NUMB: variants seen among roughly 807,000 people sequenced by gnomAD.
NUMB encodes the protein NUMB endocytic adaptor protein, also known as protein numb homolog.
NUMB carries 29 observed loss-of-function variants against 59.7 expected under a neutral mutation model. The observed-to-expected ratio is 0.49, with a 90% confidence interval of 0.36 to 0.66. The LOEUF is 0.66. Ranked by LOEUF, NUMB falls within the 30% of genes least tolerant of loss-of-function variation. NUMB has a pLI of 0.00. For missense variants in NUMB, 723 were observed against 822.0 expected (o/e 0.88, Z 1.47); for synonymous variants, 288 against 288.2 (o/e 1.00, Z 0.01).
chr14:73,445,189 C>CA (rs1883384607), intron 1 of NUMB, among the ~76,000 whole-genome samples: 1 of 151,148 alleles, frequency 6.6e-6, no homozygotes, highest in African/African-American at 2.4e-5. Flanking sequence ...CCCAACACTA[C>CA]AAAAAAAGTT....
At chr14:73,292,985 G>T in intron 7 of NUMB, 111 bp from the exon 8 acceptor site, 1 of 1,065,358 alleles carries the variant, frequency 9.4e-7, no homozygotes. Context: ...ATACAACTAG[G>T]CTATGGAATA....
chr14:73,395,040 TG>T (rs1896059125), intron 2 of NUMB, among the ~76,000 whole-genome samples: 5 of 69,716 alleles, frequency 7.2e-5, no homozygotes, highest in East Asian at 2.3e-4. Flanking sequence ...CGTGTGTTTG[TG>T]TGTGTGTGTG....
At chr14:73,341,089 G>A (rs113507282) in intron 4 of NUMB, among the ~76,000 whole-genome samples, 3,358 of 152,250 alleles carry the variant, frequency 0.022, 65 homozygotes, top group Non-Finnish European at 0.036. Context: ...GGAACTGTGA[G>A]TCAATTAAAC....
At chr14:73,393,431 C>T (rs1456659690) in intron 2 of NUMB, among the ~76,000 whole-genome samples, 1 of 152,142 alleles carries the variant, frequency 6.6e-6, no homozygotes, top group Admixed American at 6.5e-5. Flanking sequence ...GCAATAAGAA[C>T]AAAATCATGG....
At chr14:73,321,845 C>CT (rs962300075) in intron 5 of NUMB, among the ~76,000 whole-genome samples, 26 of 152,152 alleles carry the variant, frequency 1.7e-4, no homozygotes, top group African/African-American at 5.8e-4. Flanking sequence ...ATGTCTGTAT[C>CT]TTTTTTTAAA....
At chr14:73,317,095 C>T in intron 5 of NUMB, among the ~76,000 whole-genome samples, 1 of 152,140 alleles carries the variant, frequency 6.6e-6, no homozygotes, top group Non-Finnish European at 1.5e-5. Context: ...TGATCAATTT[C>T]ACAACACACA....
At chr14:73,326,500 G>A (rs979834783) in intron 4 of NUMB, among the ~76,000 whole-genome samples, 2 of 152,066 alleles carry the variant, frequency 1.3e-5, no homozygotes, top group Non-Finnish European at 2.9e-5. Context: ...GGTGGCAGGC[G>A]CCTGTAATTC....
chr14:73,381,713 C>A (rs1381195683), intron 2 of NUMB, among the ~76,000 whole-genome samples: 1 of 152,128 alleles, frequency 6.6e-6, no homozygotes, highest in Non-Finnish European at 1.5e-5. Flanking sequence ...TGCATGAAGG[C>A]AGAATCCTCA....
At chr14:73,424,887 G>A (rs1897514700) in intron 1 of NUMB, among the ~76,000 whole-genome samples, 1 of 152,216 alleles carries the variant, frequency 6.6e-6, no homozygotes, top group South Asian at 2.1e-4. Context: ...TACATGACTA[G>A]AATGACGGCT....
At chr14:73,313,804 T>A (rs1890921111) in intron 6 of NUMB, among the ~76,000 whole-genome samples, 1 of 147,156 alleles carries the variant, frequency 6.8e-6, no homozygotes, top group African/African-American at 2.6e-5. Context: ...AAAAAGATGA[T>A]TTTTTTTTTC....
intron 2 of NUMB, among the ~76,000 whole-genome samples, chr14:73,407,263 G>A (rs1896715973): frequency 6.6e-6 from 1 of 152,030 alleles, no homozygotes; most frequent in African/African-American, 2.4e-5. Flanking sequence ...ACAAGCCTGG[G>A]CAATACAGCA....
intron 7 of NUMB, among the ~76,000 whole-genome samples, chr14:73,295,950 G>A (rs1313152071): frequency 6.6e-6 from 1 of 152,112 alleles, no homozygotes; most frequent in Non-Finnish European, 1.5e-5. Context: ...TCCTTAAGAT[G>A]TCACTTAAAT....
chr14:73,338,087 C>G (rs1032728094), intron 4 of NUMB, among the ~76,000 whole-genome samples: 1 of 152,058 alleles, frequency 6.6e-6, no homozygotes, highest in African/African-American at 2.4e-5. Context: ...GAGTTTGAGA[C>G]CAGCTTGGAC....
chr14:73,362,661 C>A (rs976654806), intron 3 of NUMB, among the ~76,000 whole-genome samples: 2 of 152,030 alleles, frequency 1.3e-5, no homozygotes, highest in African/African-American at 4.8e-5. Flanking sequence ...GTTTTGAACT[C>A]CTTGGGTCAA....
Position 73,287,197 on chromosome 14 carries a change from T to C in NUMB, c.568A>G (p.Thr190Ala), listed in dbSNP as rs1889074121. ...ATFDASRTTF[T>A]REGSFRVTTA... is the part of the protein sequence containing the mutation. Reference sequence around the variant, plus strand: ...GTGACACGGAATGATCCTTCTCTTGTAAAAGTGGTCCGACTAGCATCAAAA... The same window carrying C: ...GTGACACGGAATGATCCTTCTCTTGCAAAAGTGGTCCGACTAGCATCAAAA... Residue 190 changes from threonine (T) to alanine (A), a missense_variant, in exon 9 of 13, where the codon ACA becomes GCA. Transcript: ENST00000555238. The C allele has an allele frequency of 6.2e-7, 1 of 1,613,872 alleles. No individual in the cohort carries two copies. The highest frequency in any genetic ancestry group is 8.5e-7 in the Non-Finnish European group (1 of 1,179,972).
intron 1 of NUMB, among the ~76,000 whole-genome samples, chr14:73,438,076 G>C (rs772865954): frequency 1.3e-5 from 2 of 152,172 alleles, no homozygotes; most frequent in Non-Finnish European, 2.9e-5. Context: ...TAATGGAAAT[G>C]TAAACTTGTA....
intron 4 of NUMB, among the ~76,000 whole-genome samples, chr14:73,338,894 T>C (rs1002579317): frequency 6.6e-6 from 1 of 152,242 alleles, no homozygotes; most frequent in Non-Finnish European, 1.5e-5. Flanking sequence ...ACACACAGTA[T>C]TTTTTGCACA....
chr14:73,447,249 G>T (rs573306980), intron 1 of NUMB, among the ~76,000 whole-genome samples: 1 of 151,372 alleles, frequency 6.6e-6, no homozygotes, highest in Admixed American at 6.6e-5. Context: ...AGCACTTTGG[G>T]AGGCTAAGGT....
At position 73,389,356 on chromosome 14, in the gene NUMB, G is replaced by A. The variant is rs553641045; in HGVS notation, c.-101+20581C>T. On this transcript the variant is annotated intron_variant, in intron 2 of 12. Coordinates refer to ENST00000555238, the MANE Select transcript of NUMB (RefSeq NM_001005743.2). ...TTCTCTTTATTTATTTTTTTGAGAC[G>A]GAGTCCTGCTCTGTCACCCAGGTTG... Among the ~76,000 whole-genome samples, 17 of 149,748 alleles carry A rather than the reference G, an allele frequency of 1.1e-4. No homozygotes were observed. The East Asian group carries it at 1.2e-3, about 10-fold the overall frequency.
Sources: allele counts gnomAD v4.1 joint callset (sites outside exome capture counted in the v4.1 genomes callset), GRCh38; gene constraint gnomAD v4.1.1; transcripts MANE v1.5; gene names NCBI Gene and HGNC (gene_info 2026-07-23, HGNC 2026-07-21).